The following EFCAB13 variants were observed in gnomAD, a reference collection of about 807,000 sequenced individuals.
The protein encoded by EFCAB13 is EF-hand calcium binding domain 13.
EFCAB13 carries 91 observed loss-of-function variants against 110.2 expected under a neutral mutation model. That is an observed-to-expected ratio of 0.83 (90% CI 0.70 to 0.98). The LOEUF (loss-of-function observed/expected upper bound fraction) is 0.98. Among genes scored for constraint, EFCAB13 ranks in the 50% least tolerant of loss-of-function variants. The pLI, the probability that EFCAB13 is intolerant of heterozygous loss-of-function variation, is 0.00. For synonymous variants in EFCAB13, 323 were observed against 369.9 expected (o/e 0.87, Z 1.45); for missense variants, 968 against 1,119.4 (o/e 0.86, Z 1.93).
At chr17:47,334,477 A>G (rs72825645) in intron 4 of EFCAB13, among the ~76,000 whole-genome samples, 7,977 of 152,234 alleles carry the variant, frequency 0.052, 263 homozygotes, top group East Asian at 0.11. Flanking sequence ...CTTATCGATT[A>G]TTTCTTTCAT....
intron 17 of EFCAB13, among the ~76,000 whole-genome samples, chr17:47,399,097 T>TA (rs1421789015): frequency 6.6e-6 from 1 of 152,110 alleles, no homozygotes; most frequent in Non-Finnish European, 1.5e-5. Context: ...TAATTTTTTG[T>TA]AGAGACGGGG....
chr17:47,402,086 CT>C, intron 17 of EFCAB13, 45 bp from the exon 18 acceptor site: 1 of 1,529,652 alleles, frequency 6.5e-7, no homozygotes, highest in Non-Finnish European at 9.1e-7. Context: ...TTGGATCTGA[CT>C]TTTGCGTAAT....
chr17:47,407,318 T>G (rs774495529), intron 20 of EFCAB13, among the ~76,000 whole-genome samples: 16 of 152,216 alleles, frequency 1.1e-4, no homozygotes, highest in Non-Finnish European at 2.1e-4. Context: ...AATAGAAAGC[T>G]ATTGGAGTGG....
intron 23 of EFCAB13, among the ~76,000 whole-genome samples, chr17:47,416,583 C>G (rs1904455260): frequency 6.6e-6 from 1 of 152,064 alleles, no homozygotes; most frequent in Non-Finnish European, 1.5e-5. Flanking sequence ...TTCCCCTTCT[C>G]CCCCTCCCCT....
chr17:47,412,888 TG>T lies in EFCAB13; in HGVS notation c.2395del (p.Glu799LysfsTer16), dbSNP rs780036273. ...TTAATTTAACTGAGGAGGACTTCAA[TG>T]AAGCCCTTAACTGTTGTAACGTCAG... The part of the protein sequence containing the change: ...NVNLTEEDFN[E>X]ALNCCNVSDN... On this transcript the variant is annotated frameshift_variant, in exon 22 of 25. Transcript: ENST00000331493. LOFTEE classifies it high-confidence loss of function. 31 of 1,613,852 alleles carry T rather than the reference TG, an allele frequency of 1.9e-5. No individual in the cohort carries two copies. In the East Asian group the frequency reaches 4.9e-4, roughly 26 times the overall value.
At chr17:47,329,611 A>T (rs2065308087) in intron 4 of EFCAB13, among the ~76,000 whole-genome samples, 1 of 152,148 alleles carries the variant, frequency 6.6e-6, no homozygotes, top group Admixed American at 6.5e-5. Flanking sequence ...TTAAAGTATC[A>T]TACCGGTTTG....
At chr17:47,414,027 A>G (rs1303700484) in intron 22 of EFCAB13, among the ~76,000 whole-genome samples, 2 of 152,144 alleles carry the variant, frequency 1.3e-5, no homozygotes, top group Non-Finnish European at 1.5e-5. Context: ...CTCAGTTCCC[A>G]GTTAACTTTT....
chr17:47,341,195 T>C (rs1176502572), intron 5 of EFCAB13, among the ~76,000 whole-genome samples: 1 of 152,090 alleles, frequency 6.6e-6, no homozygotes, highest in Non-Finnish European at 1.5e-5. Flanking sequence ...AACTTATAGA[T>C]GAAAAGAAGT....
intron 4 of EFCAB13, among the ~76,000 whole-genome samples, chr17:47,332,983 C>G (rs965268596): frequency 2.0e-5 from 3 of 152,154 alleles, no homozygotes; most frequent in Admixed American, 1.3e-4. Context: ...TTTTGAGGAA[C>G]CTCCATACTG....
chr17:47,370,597 G>C (rs2065576414), intron 11 of EFCAB13, 89 bp downstream of exon 11: 1 of 888,858 alleles, frequency 1.1e-6, no homozygotes, highest in African/African-American at 1.7e-5. Flanking sequence ...TTTTATAAAG[G>C]GTTTTGAAAA....
At chr17:47,382,847 C>T (rs574162605) in intron 14 of EFCAB13, among the ~76,000 whole-genome samples, 251 of 152,232 alleles carry the variant, frequency 1.6e-3, no homozygotes, top group African/African-American at 5.6e-3. Flanking sequence ...GGAATAGTTT[C>T]AGAAGGAATG....
At chr17:47,347,489 G>A (rs918064294) in intron 8 of EFCAB13, among the ~76,000 whole-genome samples, 1 of 152,040 alleles carries the variant, frequency 6.6e-6, no homozygotes, top group East Asian at 1.9e-4. Context: ...TAATACCAAG[G>A]GCTTTCACTG....
intron 14 of EFCAB13, among the ~76,000 whole-genome samples, chr17:47,381,309 T>C (rs2065646253): frequency 1.3e-5 from 2 of 152,192 alleles, no homozygotes; most frequent in Admixed American, 6.5e-5. Context: ...AGGTTTCCTG[T>C]TCACTCTGAT....
chr17:47,374,930 G>T lies in EFCAB13; in HGVS notation c.1336G>T (p.Val446Phe). 1.3e-6 allele frequency: 2 copies of T among 1,587,690 alleles called. No homozygotes were observed. The highest frequency in any genetic ancestry group is 8.5e-7 in the Non-Finnish European group (1 of 1,172,434). The change falls in exon 12 of 25, where the codon GTT becomes TTT. Residue 446 changes from valine (V) to phenylalanine (F), a missense_variant. Coordinates refer to ENST00000331493, the MANE Select transcript of EFCAB13 (RefSeq NM_152347.5). ...AAAGCATTCCAGTCTCCAAAAACAG[G>T]TTTCGTCTACGGAAAAAACTGCAAT... Reference protein sequence around the residue: ...VRKHSSLQKQVSSTEKTAIST... With the variant: ...VRKHSSLQKQFSSTEKTAIST...
intron 24 of EFCAB13, among the ~76,000 whole-genome samples, chr17:47,437,824 G>A (rs752807516): frequency 1.3e-5 from 2 of 151,884 alleles, no homozygotes; most frequent in African/African-American, 4.8e-5. Flanking sequence ...TGAGTACTTT[G>A]GTTTTTTGTT....
chr17:47,327,807 G>A (rs2065295771), intron 3 of EFCAB13, among the ~76,000 whole-genome samples: 1 of 152,160 alleles, frequency 6.6e-6, no homozygotes. Flanking sequence ...TGTTCTATGG[G>A]ACTGAAGACC....
intron 16 of EFCAB13, 106 bp downstream of exon 16, chr17:47,394,205 C>T (rs1237935301): frequency 1.6e-6 from 1 of 635,740 alleles, no homozygotes; most frequent in Non-Finnish European, 2.5e-6. Flanking sequence ...AGTTATCCTG[C>T]AGGTCATCCG....
intron 9 of EFCAB13, among the ~76,000 whole-genome samples, chr17:47,352,080 T>C (rs2065456720): frequency 6.6e-6 from 1 of 151,806 alleles, no homozygotes; most frequent in Non-Finnish European, 1.5e-5. Flanking sequence ...TTTTTTGTAT[T>C]TTTAGTAGAG....
At chr17:47,379,342 G>C (rs1253190726) in intron 14 of EFCAB13, 89 bp downstream of exon 14, 3 of 1,005,178 alleles carry the variant, frequency 3.0e-6, no homozygotes, top group Admixed American at 3.5e-5. Context: ...CTTGCTTTTG[G>C]ATGGATACTT....
Sources: allele counts gnomAD v4.1 joint callset (sites outside exome capture counted in the v4.1 genomes callset), GRCh38; gene constraint gnomAD v4.1.1; transcripts MANE v1.5; gene names NCBI Gene and HGNC (gene_info 2026-07-23, HGNC 2026-07-21).